The following TACC1 variants were observed in gnomAD, a reference collection of about 807,000 sequenced individuals.
The protein encoded by TACC1 is transforming acidic coiled-coil-containing protein 1.
TACC1 carries 48 observed loss-of-function variants against 84.4 expected under a neutral mutation model. The ratio of observed to expected loss-of-function variants is 0.57; its 90% CI spans 0.45 to 0.72. The LOEUF is 0.72. TACC1 is among the 30% of genes least tolerant of loss of function. TACC1 has a pLI of 0.00. For missense variants in TACC1, 920 were observed against 973.0 expected (o/e 0.95, Z 0.72); for synonymous variants, 372 against 376.3 (o/e 0.99, Z 0.13).
chr8:38,778,984 T>C (rs529263979), intron 3 of TACC1, among the ~76,000 whole-genome samples: 6 of 151,670 alleles, frequency 4.0e-5, no homozygotes, highest in Admixed American at 3.3e-4. Flanking sequence ...TTTTTTTTTT[T>C]TTTCTTTTCT....
At chr8:38,764,073 A>G (rs1811735738) in intron 3 of TACC1, among the ~76,000 whole-genome samples, 1 of 152,128 alleles carries the variant, frequency 6.6e-6, no homozygotes, top group Admixed American at 6.6e-5. Flanking sequence ...GTGACTGCTC[A>G]GCATCCTTTT....
intron 2 of TACC1, among the ~76,000 whole-genome samples, chr8:38,819,056 A>G (rs954074299): frequency 6.6e-6 from 1 of 152,204 alleles, no homozygotes; most frequent in African/African-American, 2.4e-5. Context: ...TGTTTTTAAC[A>G]TTCAAAGATT....
At chr8:38,827,442 C>A (rs1237970455) in intron 5 of TACC1, 67 bp downstream of exon 5, 1 of 1,507,398 alleles carries the variant, frequency 6.6e-7, no homozygotes. Flanking sequence ...CCTAATAAAG[C>A]AGGAGGAGCC....
chr8:38,812,866 G>A (rs569446095), intron 2 of TACC1, among the ~76,000 whole-genome samples: 8 of 151,750 alleles, frequency 5.3e-5, no homozygotes, highest in East Asian at 3.9e-4. Context: ...TTGCTGTTAC[G>A]TCCCCAGTGC....
intron 2 of TACC1, among the ~76,000 whole-genome samples, chr8:38,816,587 A>G (rs552374245): frequency 6.6e-6 from 1 of 152,326 alleles, no homozygotes; most frequent in East Asian, 1.9e-4. Context: ...GTAATTTGCT[A>G]GAACAACTCA....
chr8:38,782,145 T>G (rs1351374568), intron 3 of TACC1, among the ~76,000 whole-genome samples: 1 of 152,096 alleles, frequency 6.6e-6, no homozygotes, highest in Non-Finnish European at 1.5e-5. Flanking sequence ...GCATTAGGTA[T>G]ATCTCCCAGT....
intron 5 of TACC1, among the ~76,000 whole-genome samples, chr8:38,830,900 T>C (rs1320028322): frequency 6.6e-6 from 1 of 152,228 alleles, no homozygotes; most frequent in Admixed American, 6.5e-5. Flanking sequence ...GCCTGAAGGC[T>C]GACGACCTGT....
intron 2 of TACC1, among the ~76,000 whole-genome samples, chr8:38,817,090 A>G (rs1373702823): frequency 1.3e-5 from 2 of 152,194 alleles, no homozygotes; most frequent in Non-Finnish European, 2.9e-5. Context: ...CAAAATACGT[A>G]TTTTTATTAT....
At chr8:38,791,873 G>A (rs149804547) in intron 2 of TACC1, among the ~76,000 whole-genome samples, 1 of 152,162 alleles carries the variant, frequency 6.6e-6, no homozygotes, top group African/African-American at 2.4e-5. Context: ...CATGGCTCCT[G>A]TGCTGACTTC....
chr8:38,732,805 G>A (rs1002497723), intron 1 of TACC1, among the ~76,000 whole-genome samples: 1 of 152,204 alleles, frequency 6.6e-6, no homozygotes, highest in Non-Finnish European at 1.5e-5. Context: ...CTAATTTAGG[G>A]CTATCTAATT....
chr8:38,808,691 C>T (rs868503004), intron 2 of TACC1, among the ~76,000 whole-genome samples: 22 of 152,228 alleles, frequency 1.4e-4, no homozygotes, highest in African/African-American at 4.6e-4. Flanking sequence ...GTTGGGATTA[C>T]AGGCGTGAGC....
intron 2 of TACC1, among the ~76,000 whole-genome samples, chr8:38,791,261 C>G (rs894137018): frequency 6.6e-6 from 1 of 151,970 alleles, no homozygotes; most frequent in Non-Finnish European, 1.5e-5. Context: ...TTTTTTCATT[C>G]TCTCTAAAAG....
At chr8:38,804,132 A>G (rs569242686) in intron 2 of TACC1, among the ~76,000 whole-genome samples, 24 of 152,264 alleles carry the variant, frequency 1.6e-4, no homozygotes, top group African/African-American at 5.8e-4. Context: ...GGATCAAGTT[A>G]GGTAATGTTT....
chr8:38,790,395 A>C (rs1255422939), intron 2 of TACC1, among the ~76,000 whole-genome samples: 1 of 152,250 alleles, frequency 6.6e-6, no homozygotes, highest in Admixed American at 6.5e-5. Context: ...TTTGAGAGAC[A>C]TAATTCAGCC....
upstream of TACC1, chr8:38,785,792 T>G (rs1352080952): frequency 1.2e-6 from 1 of 823,338 alleles, no homozygotes; most frequent in Non-Finnish European, 1.5e-6. Flanking sequence ...ATATTTCACA[T>G]GGACCTCCTG....
chr8:38,818,289 C>A (rs548079118), intron 2 of TACC1, among the ~76,000 whole-genome samples: 2 of 152,204 alleles, frequency 1.3e-5, no homozygotes, highest in African/African-American at 4.8e-5. Flanking sequence ...TGACTCTGAT[C>A]CTGGATTAGG....
At chr8:38,759,205 T>C (rs1311843751) in intron 3 of TACC1, among the ~76,000 whole-genome samples, 2 of 152,230 alleles carry the variant, frequency 1.3e-5, no homozygotes, top group African/African-American at 4.8e-5. Flanking sequence ...CCTTAACTCC[T>C]CTGTGTCTGT....
intron 3 of TACC1, among the ~76,000 whole-genome samples, chr8:38,765,995 G>A: frequency 6.6e-6 from 1 of 152,102 alleles, no homozygotes; most frequent in South Asian, 2.1e-4. Flanking sequence ...AGTAAGCTTT[G>A]TCAGGCATAC....
Position 38,787,254 on chromosome 8 carries a change from C to G in TACC1, c.-329C>G. On this transcript the variant is annotated 5_prime_UTR_variant, in exon 1 of 13. Transcript: ENST00000317827. The stretch of plus-strand genomic sequence containing the variant: ...GAGGCGGGAGTCCGCGAGCCGGGAG[C>G]GGGAGCAGCAGAGGTCTAGCAGCCG... The G allele has an allele frequency of 9.7e-7, 1 of 1,033,102 alleles. No individual in the cohort carries two copies. Among genetic ancestry groups the G allele is most frequent in the Non-Finnish European group, 1.2e-6 (1 of 861,668 alleles). 64.0% of individuals were successfully genotyped at this position (1,033,102 alleles called of 1,614,324 possible). A position where few individuals can be genotyped will look rare whatever the true frequency, so the allele number is the denominator to read the frequency against.
Sources: allele counts gnomAD v4.1 joint callset (sites outside exome capture counted in the v4.1 genomes callset), GRCh38; gene constraint gnomAD v4.1.1; transcripts MANE v1.5; gene names NCBI Gene and HGNC (gene_info 2026-07-23, HGNC 2026-07-21).